TNIK: variants seen among roughly 807,000 people sequenced by gnomAD.
TNIK encodes the protein TRAF2 and NCK interacting kinase.
TNIK carries 49 observed loss-of-function variants against 191.3 expected under a neutral mutation model. That is an observed-to-expected ratio of 0.26 (90% confidence interval 0.20 to 0.32). The LOEUF (loss-of-function observed/expected upper bound fraction) is 0.32. Among genes scored for constraint, TNIK ranks in the 10% least tolerant of loss-of-function variants. The pLI, the probability that TNIK is intolerant of heterozygous loss-of-function variation, is 1.00. For synonymous variants in TNIK, 594 were observed against 600.9 expected (o/e 0.99, Z 0.17); for missense variants, 1,155 against 1,702.3 (o/e 0.68, Z 5.66).
intron 2 of TNIK, among the ~76,000 whole-genome samples, chr3:171,247,044 G>C (rs1455142577): frequency 1.3e-5 from 2 of 152,262 alleles, no homozygotes; most frequent in Non-Finnish European, 2.9e-5. Flanking sequence ...CATCACATGT[G>C]TGTAGAAAAT....
At chr3:171,125,347 A>G (rs77861501) in intron 17 of TNIK, among the ~76,000 whole-genome samples, 2,950 of 152,314 alleles carry the variant, frequency 0.019, 96 homozygotes, top group African/African-American at 0.068. Flanking sequence ...GTCCAGTGGA[A>G]TGGCTGGTCA....
intron 1 of TNIK, among the ~76,000 whole-genome samples, chr3:171,440,260 C>T (rs191411859): frequency 1.6e-4 from 24 of 152,216 alleles, no homozygotes; most frequent in Non-Finnish European, 2.1e-4. Flanking sequence ...TTCCTTCCCT[C>T]GCCATCATAG....
chr3:171,259,807 C>T (rs1352089711), intron 2 of TNIK, among the ~76,000 whole-genome samples: 2 of 152,050 alleles, frequency 1.3e-5, no homozygotes, highest in Non-Finnish European at 2.9e-5. Context: ...CTTGTCTGTC[C>T]CTCACCCAGT....
intron 4 of TNIK, 124 bp from the exon 5 acceptor site, chr3:171,194,759 T>C (rs1218123235): frequency 1.4e-6 from 1 of 731,714 alleles, no homozygotes; most frequent in East Asian, 2.6e-5. Flanking sequence ...AAAGTTATCA[T>C]AAAACAATAT....
intron 2 of TNIK, among the ~76,000 whole-genome samples, chr3:171,240,561 C>A (rs567643321): frequency 2.0e-5 from 3 of 152,024 alleles, no homozygotes; most frequent in South Asian, 2.1e-4. Context: ...TATTCCCCCC[C>A]AGTCCCCGAC....
chr3:171,095,534 CTTTTA>C (rs1722596847), intron 22 of TNIK, among the ~76,000 whole-genome samples: 3 of 151,992 alleles, frequency 2.0e-5, no homozygotes, highest in African/African-American at 4.8e-5. Flanking sequence ...TCATTTTTTT[CTTTTA>C]TTTTCATTGT....
chr3:171,103,587 G>A (rs572998793), intron 21 of TNIK, among the ~76,000 whole-genome samples: 7 of 152,134 alleles, frequency 4.6e-5, no homozygotes, highest in African/African-American at 1.7e-4. Flanking sequence ...TGAAAAATTA[G>A]ATAAATTTAT....
chr3:171,239,920 G>A (rs1448911552), intron 2 of TNIK, among the ~76,000 whole-genome samples: 2 of 152,112 alleles, frequency 1.3e-5, no homozygotes, highest in Non-Finnish European at 2.9e-5. Flanking sequence ...GAAATCTTGG[G>A]GGAGGGGCGG....
intron 2 of TNIK, among the ~76,000 whole-genome samples, chr3:171,313,632 A>G (rs1754294798): frequency 6.6e-6 from 1 of 152,166 alleles, no homozygotes; most frequent in African/African-American, 2.4e-5. Flanking sequence ...AAAAATTATC[A>G]TGAAATAACA....
chr3:171,110,537 A>AT, intron 19 of TNIK, among the ~76,000 whole-genome samples, 177 bp downstream of exon 19: 1 of 152,326 alleles, frequency 6.6e-6, no homozygotes, highest in South Asian at 2.1e-4. Context: ...CACACACACA[A>AT]TTAGGGACAG....
intron 2 of TNIK, among the ~76,000 whole-genome samples, chr3:171,292,084 ATATTT>A (rs1387950681): frequency 1.3e-5 from 2 of 152,036 alleles, no homozygotes; most frequent in Non-Finnish European, 2.9e-5. Flanking sequence ...GTCCCTTTTT[ATATTT>A]TATATTTTCC....
intron 28 of TNIK, among the ~76,000 whole-genome samples, chr3:171,072,072 G>T (rs1379375387): frequency 3.9e-5 from 6 of 152,158 alleles, no homozygotes; most frequent in African/African-American, 1.4e-4. Flanking sequence ...ACCTACGTGT[G>T]TGTCTCTGAT....
intron 2 of TNIK, among the ~76,000 whole-genome samples, chr3:171,264,990 A>C (rs1577294936): frequency 6.6e-6 from 1 of 152,240 alleles, no homozygotes; most frequent in African/African-American, 2.4e-5. Context: ...TACTGAGAAC[A>C]GTCACCCTTT....
intron 1 of TNIK, among the ~76,000 whole-genome samples, chr3:171,408,972 C>A (rs1722060483): frequency 6.6e-6 from 1 of 152,106 alleles, no homozygotes; most frequent in African/African-American, 2.4e-5. Context: ...CTTTCTACCC[C>A]ACCTGTATAC....
At chr3:171,389,446 A>C (rs1311679246) in intron 1 of TNIK, among the ~76,000 whole-genome samples, 1 of 152,168 alleles carries the variant, frequency 6.6e-6, no homozygotes, top group Non-Finnish European at 1.5e-5. Flanking sequence ...TACACTAAAG[A>C]TCTATGAATA....
At chr3:171,089,508 T>G (rs575402805) in intron 23 of TNIK, among the ~76,000 whole-genome samples, 9 of 152,332 alleles carry the variant, frequency 5.9e-5, no homozygotes, top group East Asian at 1.9e-4. Flanking sequence ...AGCCAAAAAC[T>G]GATGCAGACA....
intron 9 of TNIK, among the ~76,000 whole-genome samples, chr3:171,171,295 G>T (rs1441607339): frequency 6.6e-6 from 1 of 152,112 alleles, no homozygotes; most frequent in Non-Finnish European, 1.5e-5. Context: ...AGGAATTTCT[G>T]ATACACACAC....
intron 2 of TNIK, among the ~76,000 whole-genome samples, chr3:171,230,882 T>C (rs1743539137): frequency 6.6e-6 from 1 of 152,110 alleles, no homozygotes; most frequent in South Asian, 2.1e-4. Context: ...CCCAACCTTT[T>C]CCCCAAATAA....
chr3:171,261,702 T>G (rs1420384547), intron 2 of TNIK, among the ~76,000 whole-genome samples: 4 of 152,138 alleles, frequency 2.6e-5, no homozygotes, highest in Admixed American at 2.0e-4. Context: ...GAGCACCCAA[T>G]CCTATGGGTC....
Sources: allele counts gnomAD v4.1 joint callset (sites outside exome capture counted in the v4.1 genomes callset), GRCh38; gene constraint gnomAD v4.1.1; transcripts MANE v1.5; gene names NCBI Gene and HGNC (gene_info 2026-07-23, HGNC 2026-07-21).